IGF2BP1: variants seen among roughly 807,000 people sequenced by gnomAD.
IGF2BP1 encodes the protein insulin like growth factor 2 mRNA binding protein 1, also known as insulin-like growth factor 2 mRNA-binding protein 1.
A neutral mutation model predicts 74.9 loss-of-function variants in IGF2BP1; 11 were observed. That is an observed-to-expected ratio of 0.15 (90% CI 0.09 to 0.24). IGF2BP1 has a LOEUF of 0.24. Among genes scored for constraint, IGF2BP1 ranks in the 10% least tolerant of loss-of-function variants. The probability of loss-of-function intolerance (pLI) is 1.00; values close to 1 mark genes in which losing one functional copy is unlikely to be tolerated. For synonymous variants in IGF2BP1, 287 were observed against 281.8 expected (o/e 1.02, Z -0.18); for missense variants, 440 against 757.4 (o/e 0.58, Z 4.92).
rs151277894 is a variant in IGF2BP1, at chr17:49,048,733, G to A, written c.1642-619G>A. On this transcript the variant is annotated intron_variant, in intron 14 of 14. Transcript: ENST00000290341. Reference sequence around the variant, plus strand: ...GAGTGGGCATTACCTCCTGAGCCCCGCTTCCTGTCAGATCAGGGCGGCATT... The same window carrying A: ...GAGTGGGCATTACCTCCTGAGCCCCACTTCCTGTCAGATCAGGGCGGCATT... 2.5e-3 allele frequency among the ~76,000 whole-genome samples: 373 copies of A among 152,190 alleles called. 1 individual carries two copies. Among genetic ancestry groups the A allele is most frequent in the Non-Finnish European group, 4.5e-3 (305 of 67,998 alleles).
intron 2 of IGF2BP1, among the ~76,000 whole-genome samples, chr17:49,003,701 G>A (rs955121125): frequency 6.6e-6 from 1 of 150,604 alleles, no homozygotes; most frequent in Non-Finnish European, 1.5e-5. Flanking sequence ...GTTAGGGAGA[G>A]AAAAGGGGAG....
intron 2 of IGF2BP1, among the ~76,000 whole-genome samples, chr17:49,000,913 GGA>G (rs1334878033): frequency 6.6e-6 from 1 of 151,224 alleles, no homozygotes; most frequent in Non-Finnish European, 1.5e-5. Flanking sequence ...GAGTTGGAAT[GGA>G]GAGGGGGTTT....
Position 49,037,610 on chromosome 17 carries a change from T to G in IGF2BP1, c.402-558T>G, listed in dbSNP as rs528434506. 1.9e-4 allele frequency among the ~76,000 whole-genome samples: 29 copies of G among 152,304 alleles called. No homozygotes were observed. In the South Asian group the frequency reaches 6.0e-3, roughly 32 times the overall value. On this transcript the variant is annotated intron_variant, in intron 5 of 14. Coordinates refer to ENST00000290341, the MANE Select transcript of IGF2BP1 (RefSeq NM_006546.4). ...CAAAAACGAAAATAAACCCCACACT[T>G]CATTAGGGCAGGATTAACATTTGAA...
intron 2 of IGF2BP1, 146 bp from the exon 3 acceptor site, chr17:49,025,472 A>G: frequency 1.4e-6 from 1 of 729,826 alleles, no homozygotes; most frequent in Non-Finnish European, 2.3e-6. Context: ...TCCATTCCTA[A>G]AAGTGTATTC....
intron 2 of IGF2BP1, among the ~76,000 whole-genome samples, chr17:49,024,286 C>T (rs949035940): frequency 5.9e-5 from 9 of 151,848 alleles, no homozygotes; most frequent in African/African-American, 2.2e-4. Flanking sequence ...GTGGCATGCG[C>T]ATGTGGTCCC....
chr17:49,010,456 T>G (rs2041603935), intron 2 of IGF2BP1, among the ~76,000 whole-genome samples: 1 of 151,534 alleles, frequency 6.6e-6, no homozygotes. Flanking sequence ...AAGCTGGGAC[T>G]ACAGGCGCCC....
intron 2 of IGF2BP1, among the ~76,000 whole-genome samples, chr17:49,000,912 T>A (rs1400752685): frequency 2.0e-5 from 3 of 151,252 alleles, no homozygotes; most frequent in African/African-American, 7.3e-5. Flanking sequence ...TGAGTTGGAA[T>A]GGAGAGGGGG....
At chr17:49,041,626 A>ACGGG in intron 8 of IGF2BP1, 126 bp downstream of exon 8, 2 of 1,295,384 alleles carry the variant, frequency 1.5e-6, no homozygotes, top group Non-Finnish European at 2.2e-6. Context: ...CTTGAAGAAA[A>ACGGG]ACAGTCGAAG....
intron 4 of IGF2BP1, among the ~76,000 whole-genome samples, chr17:49,027,853 GAAAAAAAAAAA>G (rs777784396): frequency 0.015 from 630 of 42,910 alleles, 11 homozygotes; most frequent in African/African-American, 0.055. Context: ...CTCTGTCTCA[GAAAAAAAAAAA>G]AAAAAAAAAA....
At chr17:48,998,573 G>A (rs2041438858) in intron 1 of IGF2BP1, among the ~76,000 whole-genome samples, 1 of 152,156 alleles carries the variant, frequency 6.6e-6, no homozygotes, top group Admixed American at 6.5e-5. Flanking sequence ...CGAGAGGCGC[G>A]CGCGGTGGCA....
intron 7 of IGF2BP1, among the ~76,000 whole-genome samples, chr17:49,040,711 C>G (rs1279425528): frequency 3.3e-5 from 5 of 152,240 alleles, no homozygotes; most frequent in Non-Finnish European, 7.3e-5. Context: ...TCTGTATCAG[C>G]ACATATATTA....
intron 2 of IGF2BP1, among the ~76,000 whole-genome samples, chr17:49,014,564 G>A (rs979477089): frequency 1.3e-5 from 2 of 152,000 alleles, no homozygotes; most frequent in African/African-American, 4.8e-5. Context: ...GAGGGGGGGA[G>A]GAGGGCCACG....
chr17:48,998,237 C>G (rs936666951), intron 1 of IGF2BP1, among the ~76,000 whole-genome samples: 4 of 152,158 alleles, frequency 2.6e-5, no homozygotes, highest in Non-Finnish European at 5.9e-5. Flanking sequence ...TTTAGGGACA[C>G]GGGGATGACC....
intron 2 of IGF2BP1, among the ~76,000 whole-genome samples, chr17:49,003,040 T>A (rs1417352530): frequency 1.3e-5 from 2 of 152,200 alleles, no homozygotes; most frequent in Non-Finnish European, 2.9e-5. Flanking sequence ...GATGGAGAAC[T>A]TTTTAGTAAA....
chr17:49,024,705 A>G (rs1442255863), intron 2 of IGF2BP1, among the ~76,000 whole-genome samples: 1 of 152,208 alleles, frequency 6.6e-6, no homozygotes, highest in African/African-American at 2.4e-5. Flanking sequence ...GTTTAAATCC[A>G]TATCTGTGCC....
intron 2 of IGF2BP1, among the ~76,000 whole-genome samples, chr17:49,001,138 G>C (rs1197536948): frequency 6.6e-6 from 1 of 152,076 alleles, no homozygotes; most frequent in Non-Finnish European, 1.5e-5. Flanking sequence ...AAGAAAGTTT[G>C]TTTTCATTAA....
At chr17:49,001,471 T>A (rs1339089482) in intron 2 of IGF2BP1, among the ~76,000 whole-genome samples, 1 of 152,156 alleles carries the variant, frequency 6.6e-6, no homozygotes, top group Non-Finnish European at 1.5e-5. Flanking sequence ...TTTTGTTTTG[T>A]TTTTTAAGAG....
chr17:49,019,550 C>T (rs1316981210), intron 2 of IGF2BP1, among the ~76,000 whole-genome samples: 2 of 151,992 alleles, frequency 1.3e-5, no homozygotes, highest in African/African-American at 4.8e-5. Flanking sequence ...CCATCCATCA[C>T]TTAGCTTTAA....
rs2042013486 is a variant in IGF2BP1, at chr17:49,038,513, G to A, written c.683+64G>A. 12 of 1,389,458 alleles carry A rather than the reference G, an allele frequency of 8.6e-6. No individual in the cohort carries two copies. The South Asian group carries it at 2.0e-4, about 23-fold the overall frequency. The allele number at this position is 1,389,458 out of a possible 1,614,324, so 86.1% of individuals were successfully genotyped here. A position where few individuals can be genotyped will look rare whatever the true frequency, so the allele number is the denominator to read the frequency against. ...GGGAACAGTGGTTGGTACCTAAAGA[G>A]GCCTCCTGGAAGCATGCTGGAGACA... On this transcript the variant is annotated intron_variant, in intron 6 of 14. Coordinates refer to ENST00000290341, the MANE Select transcript of IGF2BP1 (RefSeq NM_006546.4).
Sources: gnomAD v4.1 joint callset for allele counts (sites outside exome capture counted in the v4.1 genomes callset) on GRCh38, gnomAD v4.1.1 for gene constraint, MANE v1.5 for transcripts, NCBI Gene and HGNC (gene_info 2026-07-23, HGNC 2026-07-21) for gene names.